Variants in PTPRM observed in about 807,000 individuals in gnomAD.
PTPRM encodes the protein protein tyrosine phosphatase receptor type M, also known as receptor-type tyrosine-protein phosphatase mu.
Under a neutral mutation model 186.7 loss-of-function variants are expected in PTPRM, and 47 were observed. That is an observed-to-expected ratio of 0.25 (90% confidence interval 0.20 to 0.32). PTPRM has a LOEUF of 0.32. Among genes scored for constraint, PTPRM ranks in the 10% least tolerant of loss-of-function variants. PTPRM has a pLI of 1.00. For synonymous variants in PTPRM, 668 were observed against 674.9 expected (o/e 0.99, Z 0.16); for missense variants, 1,494 against 1,865.0 (o/e 0.80, Z 3.66).
Position 8,030,259 on chromosome 18 carries a change from C to T in PTPRM, c.1133-39427C>T, listed in dbSNP as rs150112209. On this transcript the variant is annotated intron_variant, in intron 7 of 32. Transcript: ENST00000580170. The stretch of plus-strand genomic sequence containing the variant: ...TTGAGCATAAAAGTTGTACCTTATA[C>T]GTCTTTAATTTTCCCAGCAGCACTG... 8.3e-3 allele frequency among the ~76,000 whole-genome samples: 1,262 copies of T among 152,292 alleles called. 7 individuals are homozygous for T. The highest frequency in any genetic ancestry group is 0.034 in the South Asian group (162 of 4,822).
chr18:7,975,810 AT>A (rs1348914361), intron 7 of PTPRM, among the ~76,000 whole-genome samples: 2 of 152,180 alleles, frequency 1.3e-5, no homozygotes, highest in African/African-American at 4.8e-5. Context: ...TCCCATCTAG[AT>A]TTGTCTAAGA....
intron 11 of PTPRM, among the ~76,000 whole-genome samples, chr18:8,111,423 C>G (rs193064727): frequency 6.6e-6 from 1 of 152,174 alleles, no homozygotes; most frequent in Non-Finnish European, 1.5e-5. Flanking sequence ...TCCTGGCTAA[C>G]ACGGTGAAAC....
chr18:7,849,883 A>G (rs1040259769), intron 2 of PTPRM, among the ~76,000 whole-genome samples: 6 of 152,210 alleles, frequency 3.9e-5, no homozygotes, highest in African/African-American at 1.4e-4. Context: ...GTAAGATGCT[A>G]CTTACGTTGA....
At chr18:7,731,915 T>C (rs1388862439) in intron 1 of PTPRM, among the ~76,000 whole-genome samples, 2 of 152,232 alleles carry the variant, frequency 1.3e-5, no homozygotes, top group Non-Finnish European at 1.5e-5. Flanking sequence ...CAAATTGTTA[T>C]GTGTTGCCAT....
rs368012340 is a variant in PTPRM at position 7,686,787 on chromosome 18, C to T, written c.74-87362C>T. On this transcript the variant is annotated intron_variant, in intron 1 of 32. Transcript: ENST00000580170. ...CAGTTTATGGGTAAGTGATCATGTT[C>T]TAATAGCATTGTATCAAAAGCTGCT... is the stretch of plus-strand genomic sequence containing the variant. 5.9e-5 allele frequency among the ~76,000 whole-genome samples: 9 copies of T among 152,216 alleles called. No homozygotes were observed. The South Asian group carries it at 6.2e-4, about 11-fold the overall frequency.
chr18:7,957,006 T>C (rs902694797), intron 7 of PTPRM, among the ~76,000 whole-genome samples: 8 of 152,176 alleles, frequency 5.3e-5, no homozygotes, highest in African/African-American at 1.9e-4. Flanking sequence ...AGTTTAGTGT[T>C]ATTTCACTTT....
chr18:7,997,403 A>G (rs1229290151), intron 7 of PTPRM, among the ~76,000 whole-genome samples: 1 of 152,208 alleles, frequency 6.6e-6, no homozygotes, highest in African/African-American at 2.4e-5. Context: ...GTAGACTTAA[A>G]TCTAAGACTG....
chr18:8,027,890 C>T (rs1160153889), intron 7 of PTPRM, among the ~76,000 whole-genome samples: 1 of 152,174 alleles, frequency 6.6e-6, no homozygotes, highest in African/African-American at 2.4e-5. Context: ...TAGCCCCAGC[C>T]CCTGTCTTCT....
At chr18:8,337,772 G>A (rs1205900554) in intron 22 of PTPRM, among the ~76,000 whole-genome samples, 1 of 152,184 alleles carries the variant, frequency 6.6e-6, no homozygotes, top group African/African-American at 2.4e-5. Context: ...GGGGTCTTGC[G>A]GGAGGACGCT....
rs199824094 is a variant in PTPRM, at chr18:8,338,210, CTTGGA to C, written c.2957-5207_2957-5203del. Among the ~76,000 whole-genome samples, 1,346 of 151,512 alleles carry C rather than the reference CTTGGA, an allele frequency of 8.9e-3. 6 individuals are homozygous for C. Among genetic ancestry groups the C allele is most frequent in the African/African-American group, 0.014 (586 of 41,250 alleles). On this transcript the variant is annotated intron_variant, in intron 22 of 32. Coordinates refer to ENST00000580170, the MANE Select transcript of PTPRM (RefSeq NM_001105244.2). ...TTTGATTCTGTATCAGTGGGAGGCCCTTGGATTGGAGTAGTTAAAGGAGGGAAGTG... is the reference window on the plus strand; with the variant it reads ...TTTGATTCTGTATCAGTGGGAGGCCCTTGGAGTAGTTAAAGGAGGGAAGTG...
chr18:7,951,013 G>T (rs1472085770), intron 6 of PTPRM, among the ~76,000 whole-genome samples: 2 of 152,230 alleles, frequency 1.3e-5, no homozygotes, highest in African/African-American at 2.4e-5. Flanking sequence ...GTCTGCAGCA[G>T]TGACTGATGT....
chr18:8,259,155 C>A (rs7230281), intron 19 of PTPRM, among the ~76,000 whole-genome samples: 2 of 152,024 alleles, frequency 1.3e-5, no homozygotes, highest in East Asian at 3.9e-4. Context: ...CGCCATGTTA[C>A]CCAGGCTGGT....
chr18:7,816,157 A>C (rs2044814406), intron 2 of PTPRM, among the ~76,000 whole-genome samples: 1 of 152,218 alleles, frequency 6.6e-6, no homozygotes, highest in African/African-American at 2.4e-5. Flanking sequence ...AGGACTTGGT[A>C]AAGTTAACAC....
At chr18:8,243,024 A>G (rs1314291559) in intron 14 of PTPRM, among the ~76,000 whole-genome samples, 1 of 152,148 alleles carries the variant, frequency 6.6e-6, no homozygotes, top group Non-Finnish European at 1.5e-5. Flanking sequence ...AAACCTTCTC[A>G]CTGTATACCT....
intron 32 of PTPRM, among the ~76,000 whole-genome samples, chr18:8,398,075 C>T (rs144949797): frequency 6.6e-6 from 1 of 152,194 alleles, no homozygotes; most frequent in East Asian, 1.9e-4. Context: ...TGGGCTCAAG[C>T]CATCCTCCCA....
In PTPRM at chr18:7,588,815, A is replaced by G. The variant is rs994564748; in HGVS notation, c.73+20924A>G. Among the ~76,000 whole-genome samples, 9 of 152,272 alleles carry G rather than the reference A, an allele frequency of 5.9e-5. No individual in the cohort carries two copies. In the East Asian group the frequency reaches 1.2e-3, roughly 20 times the overall value. On this transcript the variant is annotated intron_variant, in intron 1 of 32. Coordinates refer to ENST00000580170, the MANE Select transcript of PTPRM (RefSeq NM_001105244.2). ...GGAAGATGTGTGGTTGTTAAATTGT[A>G]TATCTAATTTTATAACACCTCACAG...
At chr18:7,758,253 A>T (rs902111016) in intron 1 of PTPRM, among the ~76,000 whole-genome samples, 5 of 152,188 alleles carry the variant, frequency 3.3e-5, no homozygotes, top group African/African-American at 1.2e-4. Flanking sequence ...CTGTTCAGAT[A>T]CTCAAAGGGA....
chr18:7,806,671 G>T (rs759895767), intron 2 of PTPRM, among the ~76,000 whole-genome samples: 10 of 152,198 alleles, frequency 6.6e-5, no homozygotes, highest in Non-Finnish European at 1.5e-4. Flanking sequence ...TCTGTGGAGC[G>T]CAGGCACTGC....
chr18:8,068,678 T>C (rs542735279), intron 7 of PTPRM, among the ~76,000 whole-genome samples: 99 of 152,366 alleles, frequency 6.5e-4, no homozygotes, highest in African/African-American at 2.3e-3. Context: ...AAATACCTGC[T>C]CTGCTCAGAA....
Sources: allele counts gnomAD v4.1 joint callset (sites outside exome capture counted in the v4.1 genomes callset), GRCh38; gene constraint gnomAD v4.1.1; transcripts MANE v1.5; gene names NCBI Gene and HGNC (gene_info 2026-07-23, HGNC 2026-07-21).